The following TXNL1 variants were observed in gnomAD, a reference collection of about 807,000 sequenced individuals.
The protein encoded by TXNL1 is thioredoxin-like protein 1.
A neutral mutation model predicts 35.5 loss-of-function variants in TXNL1; 14 were observed. The observed-to-expected ratio is 0.39, with a 90% CI of 0.26 to 0.62. TXNL1 has a LOEUF of 0.62. Among genes scored for constraint, TXNL1 ranks in the 20% least tolerant of loss-of-function variants. TXNL1 has a pLI of 0.47. For missense variants in TXNL1, 263 were observed against 349.7 expected, an observed-to-expected ratio of 0.75 and a Z score of 1.98; for synonymous variants, 110 against 115.5, an observed-to-expected ratio of 0.95 and a Z score of 0.31.
Position 56,597,438 on chromosome 18 carries a change from A to C in TXNL1, c.*5589T>G, listed in dbSNP as rs2023758735. ...ATGATTCCTATAATTAAGCACTAGA[A>C]AGACTGTTTCCACAATTTAATGGAT... is the stretch of plus-strand genomic sequence containing the variant. On this transcript the variant is annotated 3_prime_UTR_variant, in exon 8 of 8. Coordinates refer to ENST00000217515, the MANE Select transcript of TXNL1 (RefSeq NM_004786.3). 1 of 152,224 alleles carries C rather than the reference A, an allele frequency of 6.6e-6. No individual in the cohort carries two copies. The highest frequency in any genetic ancestry group is 2.1e-4 in the South Asian group (1 of 4,832). 9.4% of individuals were successfully genotyped at this position (152,224 alleles called of 1,614,324 possible).
chr18:56,626,257 G>A (rs1197233299), intron 2 of TXNL1, 104 bp downstream of exon 2: 2 of 1,480,108 alleles, frequency 1.4e-6, no homozygotes, highest in African/African-American at 1.4e-5. Flanking sequence ...TATCTTCAAA[G>A]GAATAAGTAC....
chr18:56,624,137 A>G, intron 3 of TXNL1, 151 bp downstream of exon 3: 2 of 796,100 alleles, frequency 2.5e-6, no homozygotes, highest in East Asian at 5.5e-5. Flanking sequence ...ACAAAACTCA[A>G]TAGTCAGCTA....
intron 1 of TXNL1, among the ~76,000 whole-genome samples, chr18:56,633,443 T>A: frequency 2.1e-5 from 1 of 46,908 alleles, no homozygotes; most frequent in Non-Finnish European, 4.6e-5. Flanking sequence ...CGAGACTCTG[T>A]CTCAAAAAAA....
intron 7 of TXNL1, among the ~76,000 whole-genome samples, chr18:56,607,161 T>TTGTGTGTGTGTGTGTG (rs112495608): frequency 5.8e-4 from 80 of 137,610 alleles, no homozygotes; most frequent in African/African-American, 1.7e-3. Flanking sequence ...CTGGGTAATT[T>TTGTGTGTGTGTGTGTG]TGTGTGTGTG....
rs1252130906 is a variant in TXNL1 at position 56,624,434 on chromosome 18, C to T, written c.223G>A (p.Ala75Thr). 1.2e-6 allele frequency: 2 copies of T among 1,613,218 alleles called. No individual in the cohort carries two copies. Among genetic ancestry groups the T allele is most frequent in the Non-Finnish European group, 8.5e-7 (1 of 1,179,432 alleles). The stretch of plus-strand genomic sequence containing the variant: ...CGAAAAAACAAAAATGTAGGTGTTG[C>T]TGATATATTGTTGGTGGCAGCTGTT... Reference protein sequence around the residue: ...QGTAATNNISATPTFLFFRNK... With the variant: ...QGTAATNNISTTPTFLFFRNK... The change falls in exon 3 of 8, where the codon GCA (alanine) becomes ACA (threonine). Residue 75 changes from alanine to threonine, a missense_variant. Physicochemically the swap from Ala to Thr is moderately conservative, Grantham distance 58. Transcript: ENST00000217515.
At chr18:56,614,327 T>C (rs2024046946) in intron 6 of TXNL1, 97 bp downstream of exon 6, 1 of 1,088,718 alleles carries the variant, frequency 9.2e-7, no homozygotes, top group Non-Finnish European at 1.3e-6. Flanking sequence ...AGTGAATAAA[T>C]ACCACTTTAA....
At chr18:56,627,849 A>G (rs1302538313) in intron 1 of TXNL1, among the ~76,000 whole-genome samples, 4 of 136,672 alleles carry the variant, frequency 2.9e-5, no homozygotes, top group African/African-American at 1.3e-4. Flanking sequence ...ACAAAACACA[A>G]GAAGTACTAA....
intron 7 of TXNL1, among the ~76,000 whole-genome samples, chr18:56,603,975 G>A (rs2023849195): frequency 2.0e-5 from 3 of 152,052 alleles, no homozygotes; most frequent in African/African-American, 7.2e-5. Context: ...AACTCATAAA[G>A]GTCATCAGTA....
rs557968602 is a variant in TXNL1 at position 56,602,153 on chromosome 18, G to T, written c.*874C>A. 6.6e-6 allele frequency: 1 copy of T among 152,320 alleles called. No homozygotes were observed. Among genetic ancestry groups the T allele is most frequent in the African/African-American group, 2.4e-5 (1 of 41,542 alleles). 9.4% of individuals were successfully genotyped at this position (152,320 alleles called of 1,614,324 possible). A position where few individuals can be genotyped will look rare whatever the true frequency, so the allele number is the denominator to read the frequency against. On this transcript the variant is annotated 3_prime_UTR_variant, in exon 8 of 8. Transcript: ENST00000217515. Reference sequence around the variant, plus strand: ...AGCCTCCCAAGTAGCTGGGATTACAGACACCCGCCACCATGCCTGGCTAAT... The same window carrying T: ...AGCCTCCCAAGTAGCTGGGATTACATACACCCGCCACCATGCCTGGCTAAT...
chr18:56,625,367 T>G (rs1282595178), intron 2 of TXNL1, among the ~76,000 whole-genome samples: 1 of 152,170 alleles, frequency 6.6e-6, no homozygotes, highest in Non-Finnish European at 1.5e-5. Context: ...AAATCTAATA[T>G]ATCCATTTTC....
chr18:56,612,028 T>C (rs1457803816), intron 6 of TXNL1, among the ~76,000 whole-genome samples: 1 of 148,232 alleles, frequency 6.7e-6, no homozygotes, highest in African/African-American at 2.5e-5. Context: ...TTTTTTTTTT[T>C]TTTTTTTTTT....
intron 1 of TXNL1, among the ~76,000 whole-genome samples, chr18:56,633,773 C>G (rs2024413935): frequency 6.6e-6 from 1 of 151,824 alleles, no homozygotes; most frequent in Non-Finnish European, 1.5e-5. Context: ...ATCACGAGGT[C>G]AGGAGTTCGA....
At chr18:56,638,283 G>A (rs2144349095) in intron 1 of TXNL1, 60 bp downstream of exon 1, 2 of 1,511,942 alleles carry the variant, frequency 1.3e-6, no homozygotes, top group Non-Finnish European at 1.8e-6. Flanking sequence ...GGCCAACAAA[G>A]AGTGAAAGGA....
intron 3 of TXNL1, among the ~76,000 whole-genome samples, chr18:56,621,510 A>G (rs562740556): frequency 1.6e-4 from 25 of 152,300 alleles, no homozygotes; most frequent in Non-Finnish European, 3.5e-4. Flanking sequence ...AAACATATTT[A>G]AAGGGGTGCA....
At chr18:56,624,681 T>C (rs1464158440) in intron 2 of TXNL1, among the ~76,000 whole-genome samples, 2 of 152,180 alleles carry the variant, frequency 1.3e-5, no homozygotes, top group African/African-American at 4.8e-5. Context: ...ACATTCCCCA[T>C]GTTTTTATCA....
chr18:56,627,567 G>C (rs2024306052), intron 1 of TXNL1, among the ~76,000 whole-genome samples: 1 of 152,124 alleles, frequency 6.6e-6, no homozygotes, highest in Non-Finnish European at 1.5e-5. Context: ...TTTGAAAGAA[G>C]AGTCTAGAAA....
rs1474666522 is a variant in TXNL1, at chr18:56,597,525, T to C, written c.*5502A>G. The C allele has an allele frequency of 6.6e-6, 1 of 152,228 alleles. No individual in the cohort carries two copies. The highest frequency in any genetic ancestry group is 2.4e-5 in the African/African-American group (1 of 41,460). The allele number at this position is 152,228 out of a possible 1,614,324, so 9.4% of individuals were successfully genotyped here. A position where few individuals can be genotyped will look rare whatever the true frequency, so the allele number is the denominator to read the frequency against. Reference sequence around the variant, plus strand: ...ATTTGAAGATGGTGACTGCTCCCTCTTGGATTCATTAACACTACTTTATTA... The same window carrying C: ...ATTTGAAGATGGTGACTGCTCCCTCCTGGATTCATTAACACTACTTTATTA... On this transcript the variant is annotated 3_prime_UTR_variant, in exon 8 of 8. Coordinates refer to ENST00000217515, the MANE Select transcript of TXNL1 (RefSeq NM_004786.3).
In TXNL1 at chr18:56,603,790, C is replaced by T. The variant is rs563394734; in HGVS notation, c.841-734G>A. 6.4e-4 allele frequency among the ~76,000 whole-genome samples: 97 copies of T among 152,218 alleles called. 1 individual carries two copies. In the South Asian group the frequency reaches 0.02, roughly 31 times the overall value. On this transcript the variant is annotated intron_variant, in intron 7 of 7. Coordinates refer to ENST00000217515, the MANE Select transcript of TXNL1 (RefSeq NM_004786.3). Reference sequence around the variant, plus strand: ...ATGTTCTAATTGAGAAATGTACTGACAACTTACAGTTTATCATTAGATAAT... The same window carrying T: ...ATGTTCTAATTGAGAAATGTACTGATAACTTACAGTTTATCATTAGATAAT...
At chr18:56,622,492 C>T (rs2024205247) in intron 3 of TXNL1, among the ~76,000 whole-genome samples, 1 of 151,902 alleles carries the variant, frequency 6.6e-6, no homozygotes, top group African/African-American at 2.4e-5. Context: ...ACTGAATAAC[C>T]CTGTGAGACC....
Sources: allele counts gnomAD v4.1 joint callset (sites outside exome capture counted in the v4.1 genomes callset), GRCh38; gene constraint gnomAD v4.1.1; transcripts MANE v1.5; gene names NCBI Gene and HGNC (gene_info 2026-07-23, HGNC 2026-07-21).